The following LRRC53 variants were observed in gnomAD, a reference collection of about 807,000 sequenced individuals.
The protein encoded by LRRC53 is leucine rich repeat containing 53.
In LRRC53, 25 loss-of-function variants were observed where a neutral mutation model predicts 13.6. The ratio of observed to expected loss-of-function variants is 1.83; its 90% confidence interval spans 1.34 to 2.56. The LOEUF (loss-of-function observed/expected upper bound fraction) is 2.56, where lower values mean the gene tolerates loss of function less well. Ranked by LOEUF, LRRC53 falls within the 30% of genes most tolerant of loss-of-function variation. The pLI is 0.00. For missense variants in LRRC53, 527 were observed against 275.8 expected, an observed-to-expected ratio of 1.91 and a Z score of -6.45; for synonymous variants, 204 against 109.8, an observed-to-expected ratio of 1.86 and a Z score of -5.37.
At chr1:74,485,970 C>A (rs1443689853) in intron 1 of LRRC53, among the ~76,000 whole-genome samples, 2 of 152,122 alleles carry the variant, frequency 1.3e-5, no homozygotes, top group East Asian at 3.9e-4. Context: ...TAGTGAAACT[C>A]TGAGCAAAGG....
At chr1:74,474,924 G>C (rs1323075188) in intron 4 of LRRC53, among the ~76,000 whole-genome samples, 3 of 152,020 alleles carry the variant, frequency 2.0e-5, no homozygotes, top group Non-Finnish European at 2.9e-5. Flanking sequence ...ATTGGCATTA[G>C]AGCTCGAAGG....
At chr1:74,526,323 C>T in the LRRC53 span, among the ~76,000 whole-genome samples, 2 of 152,044 alleles carry the variant, frequency 1.3e-5, no homozygotes, top group South Asian at 4.1e-4. Context: ...CTGTGGGCTC[C>T]AATCTAGTTG....
rs999357296 is a variant in LRRC53 at position 74,471,158 on chromosome 1, T to C, written c.2464A>G (p.Ile822Val). 2.0e-5 allele frequency: 8 copies of C among 400,614 alleles called. No homozygotes were observed. The highest frequency in any genetic ancestry group is 3.5e-5 in the Non-Finnish European group (8 of 226,214). 24.8% of individuals were successfully genotyped at this position (400,614 alleles called of 1,614,324 possible). The change falls in exon 5 of 5, where the codon ATA becomes GTA. Residue 822 changes from isoleucine to valine, a missense_variant. Coordinates refer to ENST00000294635, the MANE Select transcript of LRRC53 (RefSeq NM_001382280.1). ...CCAGCTGAGTAACAGCTGCTTTCTA[T>C]AGAGCTCTGGTTGACTACACGCAAG... is the stretch of plus-strand genomic sequence containing the variant. ...NNLRVVNQSS[I>V]ESSCYSAGHI...
At chr1:74,524,915 C>G in the LRRC53 span, among the ~76,000 whole-genome samples, 2 of 152,110 alleles carry the variant, frequency 1.3e-5, no homozygotes, top group African/African-American at 2.4e-5. Context: ...AAAAGGATTG[C>G]TCTGGCTGAG....
upstream of LRRC53, among the ~76,000 whole-genome samples, chr1:74,517,279 T>C (rs1471347086): frequency 1.3e-5 from 2 of 152,206 alleles, no homozygotes; most frequent in Admixed American, 1.3e-4. Flanking sequence ...GGTCAGATAG[T>C]AAATCAATGC....
chr1:74,476,885 T>C (rs1668234280), intron 3 of LRRC53, among the ~76,000 whole-genome samples: 3 of 152,164 alleles, frequency 2.0e-5, no homozygotes, highest in African/African-American at 7.2e-5. Context: ...TTGTTTCTTT[T>C]TTTTCTGTTA....
Position 74,480,815 on chromosome 1 carries a change from G to A in LRRC53, c.242C>T (p.Thr81Met), listed in dbSNP as rs1388999677. The change falls in exon 3 of 5, where the codon ACG becomes ATG. Residue 81 changes from threonine (T) to methionine (M), a missense_variant. Physicochemically the swap from Thr to Met is moderately conservative, Grantham distance 81. Transcript: ENST00000294635. ...CTCCAGCAACAAGGTCCGCAACATC[G>A]TAAGCCCATGCAGGGCATCTTCCTG... is the stretch of plus-strand genomic sequence containing the variant. The part of the protein sequence containing the change: ...DVQEDALHGL[T>M]MLRTLLLEHN... 1.1e-5 allele frequency: 8 copies of A among 717,448 alleles called. No homozygotes were observed. The highest frequency in any genetic ancestry group is 2.1e-5 in the Non-Finnish European group (8 of 385,126). The allele number at this position is 717,448 out of a possible 1,614,324, so 44.4% of individuals were successfully genotyped here.
chr1:74,475,179 G>A (rs1259035479), intron 4 of LRRC53, 116 bp downstream of exon 4: 2 of 560,904 alleles, frequency 3.6e-6, no homozygotes, highest in East Asian at 3.0e-5. Flanking sequence ...AAAAGGAATA[G>A]ACTAGTGCTA....
chr1:74,536,611 T>C, the LRRC53 span, among the ~76,000 whole-genome samples: 1 of 152,096 alleles, frequency 6.6e-6, no homozygotes, highest in Non-Finnish European at 1.5e-5. Flanking sequence ...ATGCAAAAAC[T>C]AACCTAAAGA....
At chr1:74,518,273 G>T in the LRRC53 span, among the ~76,000 whole-genome samples, 2 of 152,110 alleles carry the variant, frequency 1.3e-5, no homozygotes, top group Non-Finnish European at 2.9e-5. Flanking sequence ...AGAATCATTA[G>T]GTCATTAACA....
At chr1:74,489,600 G>A (rs897934869) in intron 1 of LRRC53, among the ~76,000 whole-genome samples, 2 of 152,142 alleles carry the variant, frequency 1.3e-5, no homozygotes, top group Admixed American at 1.3e-4. Flanking sequence ...ACAGAGATTT[G>A]TAAGCCATTG....
At chr1:74,497,051 G>A (rs1669362785) in intron 1 of LRRC53, among the ~76,000 whole-genome samples, 1 of 152,066 alleles carries the variant, frequency 6.6e-6, no homozygotes, top group East Asian at 1.9e-4. Context: ...ACTACAAAAG[G>A]GTCCATCAAA....
chr1:74,487,067 T>C (rs1557600041), intron 1 of LRRC53, among the ~76,000 whole-genome samples: 1 of 152,204 alleles, frequency 6.6e-6, no homozygotes, highest in African/African-American at 2.4e-5. Flanking sequence ...ACAATTTTGC[T>C]GTAAAGTAAA....
chr1:74,507,082 A>G (rs1442610331), intron 1 of LRRC53, among the ~76,000 whole-genome samples: 1 of 152,210 alleles, frequency 6.6e-6, no homozygotes, highest in African/African-American at 2.4e-5. Flanking sequence ...TTAGTTACAA[A>G]TATTACATAG....
At chr1:74,520,304 A>G in the LRRC53 span, among the ~76,000 whole-genome samples, 2 of 152,292 alleles carry the variant, frequency 1.3e-5, no homozygotes, top group African/African-American at 2.4e-5. Context: ...TGGCATTTAA[A>G]TACACGTACA....
the LRRC53 span, among the ~76,000 whole-genome samples, chr1:74,522,831 T>C: frequency 1.3e-5 from 2 of 152,344 alleles, 1 homozygote; most frequent in South Asian, 4.1e-4. Flanking sequence ...ATGGAAACTT[T>C]ACCTGTAGAA....
chr1:74,499,464 A>G (rs1330155702), intron 1 of LRRC53, among the ~76,000 whole-genome samples: 1 of 152,158 alleles, frequency 6.6e-6, no homozygotes, highest in Non-Finnish European at 1.5e-5. Context: ...TGTTGTTGTA[A>G]TTGTTCTATT....
At chr1:74,498,227 C>T (rs538465228) in intron 1 of LRRC53, among the ~76,000 whole-genome samples, 105 of 152,280 alleles carry the variant, frequency 6.9e-4, no homozygotes, top group African/African-American at 2.4e-3. Flanking sequence ...ATCACTGTAT[C>T]TTAACAGTTT....
At chr1:74,476,404 T>C (rs1668209873) in intron 3 of LRRC53, among the ~76,000 whole-genome samples, 1 of 152,134 alleles carries the variant, frequency 6.6e-6, no homozygotes, top group Admixed American at 6.6e-5. Context: ...TCCCTTGTTT[T>C]TTCACCCTTA....
Sources: gnomAD v4.1 joint callset for allele counts (sites outside exome capture counted in the v4.1 genomes callset) on GRCh38, gnomAD v4.1.1 for gene constraint, MANE v1.5 for transcripts, NCBI Gene and HGNC (gene_info 2026-07-23, HGNC 2026-07-21) for gene names.